The following NEGR1 variants were observed in gnomAD, a reference collection of about 807,000 sequenced individuals.
NEGR1 encodes the protein IgLON family member 4.
NEGR1 carries 10 observed loss-of-function variants against 40.9 expected under a neutral mutation model. The observed-to-expected ratio is 0.24, with a 90% CI of 0.15 to 0.42. NEGR1 has a LOEUF of 0.42. NEGR1 is among the 10% of genes least tolerant of loss of function. The pLI, the probability that NEGR1 is intolerant of heterozygous loss-of-function variation, is 1.00. For missense variants in NEGR1, 352 were observed against 438.9 expected (o/e 0.80, Z 1.77); for synonymous variants, 185 against 166.8 (o/e 1.11, Z -0.84).
intron 2 of NEGR1, among the ~76,000 whole-genome samples, chr1:71,845,363 T>C (rs757281121): frequency 6.6e-6 from 1 of 152,088 alleles, no homozygotes; most frequent in African/African-American, 2.4e-5. Flanking sequence ...AAGTTATTAT[T>C]ATATTTAAAA....
At chr1:71,578,459 GTTTTAATAT>G (rs151045961) in intron 6 of NEGR1, among the ~76,000 whole-genome samples, 2,568 of 152,140 alleles carry the variant, frequency 0.017, 22 homozygotes, top group Non-Finnish European at 0.026. Flanking sequence ...ACTGAAATCA[GTTTTAATAT>G]TTATTAATCA....
chr1:71,674,247 C>A (rs960057907), intron 4 of NEGR1, among the ~76,000 whole-genome samples: 3 of 152,056 alleles, frequency 2.0e-5, no homozygotes, highest in South Asian at 2.1e-4. Flanking sequence ...TATATAAAAT[C>A]AACATCTATC....
At chr1:72,236,594 T>C (rs1654555367) in intron 1 of NEGR1, among the ~76,000 whole-genome samples, 1 of 152,000 alleles carries the variant, frequency 6.6e-6, no homozygotes, top group Non-Finnish European at 1.5e-5. Flanking sequence ...TTTTTATCAT[T>C]TCAGTATTGC....
At chr1:71,920,328 G>T (rs932710442) in intron 2 of NEGR1, among the ~76,000 whole-genome samples, 1 of 152,098 alleles carries the variant, frequency 6.6e-6, no homozygotes, top group Non-Finnish European at 1.5e-5. Flanking sequence ...CACTTGCTGA[G>T]ACTTGAAGTA....
intron 2 of NEGR1, among the ~76,000 whole-genome samples, chr1:71,912,484 C>T (rs899477734): frequency 1.3e-5 from 2 of 152,162 alleles, no homozygotes; most frequent in Non-Finnish European, 2.9e-5. Context: ...CAAAAGGTAG[C>T]ATATTCACAG....
chr1:72,236,429 A>AT (rs1266718930), intron 1 of NEGR1, among the ~76,000 whole-genome samples: 1 of 151,296 alleles, frequency 6.6e-6, no homozygotes, highest in Non-Finnish European at 1.5e-5. Flanking sequence ...TTAAAGTATA[A>AT]TAAAAAAAAG....
chr1:71,934,931 T>A, intron 2 of NEGR1, 148 bp downstream of exon 2: 1 of 622,108 alleles, frequency 1.6e-6, no homozygotes, highest in South Asian at 2.0e-5. Context: ...TGTAAATTCC[T>A]GAAAACTATG....
intron 1 of NEGR1, among the ~76,000 whole-genome samples, chr1:72,172,436 T>G (rs967619617): frequency 6.6e-6 from 1 of 152,106 alleles, no homozygotes; most frequent in Non-Finnish European, 1.5e-5. Flanking sequence ...AAATATAATA[T>G]TAATAATGAG....
intron 2 of NEGR1, among the ~76,000 whole-genome samples, chr1:71,844,905 G>T (rs980344287): frequency 2.0e-5 from 3 of 152,116 alleles, no homozygotes; most frequent in South Asian, 2.1e-4. Context: ...TGCCCAGGGG[G>T]ACTATCCAGG....
intron 3 of NEGR1, among the ~76,000 whole-genome samples, chr1:71,722,539 CT>C (rs1244321236): frequency 6.6e-6 from 1 of 151,888 alleles, no homozygotes; most frequent in Admixed American, 6.6e-5. Flanking sequence ...TTAGAATTTG[CT>C]AATCTTGTCT....
chr1:71,933,056 A>C (rs1022133724), intron 2 of NEGR1, among the ~76,000 whole-genome samples: 3 of 152,102 alleles, frequency 2.0e-5, no homozygotes, highest in Non-Finnish European at 4.4e-5. Flanking sequence ...ATCCAATCTT[A>C]TACTTTCAAA....
rs1418238649 is a variant in NEGR1 at position 71,946,713 on chromosome 1, T to C, written c.177-11402A>G. ...ATATAAATTAGCATTAAAATATGTC[T>C]TGTGAACATACAAATCTAAGTGAAA... On this transcript the variant is annotated intron_variant, in intron 1 of 6. Coordinates refer to ENST00000357731, the MANE Select transcript of NEGR1 (RefSeq NM_173808.3). Among the ~76,000 whole-genome samples the C allele has an allele frequency of 6.6e-5, 10 of 152,086 alleles. No homozygotes were observed. In the East Asian group the frequency reaches 1.9e-3, roughly 29 times the overall value.
intron 3 of NEGR1, among the ~76,000 whole-genome samples, chr1:71,714,532 G>C (rs577232510): frequency 3.3e-5 from 5 of 152,338 alleles, no homozygotes; most frequent in Admixed American, 2.6e-4. Flanking sequence ...TGAAAAGCAA[G>C]TTGGTTCCGT....
At chr1:72,260,238 G>T (rs1253265870) in intron 1 of NEGR1, among the ~76,000 whole-genome samples, 1 of 151,920 alleles carries the variant, frequency 6.6e-6, no homozygotes, top group Non-Finnish European at 1.5e-5. Flanking sequence ...TTAGCTTCCC[G>T]CAAAGGGTTT....
intron 5 of NEGR1, among the ~76,000 whole-genome samples, chr1:71,597,472 C>CTCTCTTTGTGTGTGTG (rs756076229): frequency 6.4e-5 from 2 of 31,326 alleles, no homozygotes; most frequent in African/African-American, 1.0e-4. Context: ...CTCTCTCTCT[C>CTCTCTTTGTGTGTGTG]TGTGTGTGTG....
At chr1:71,654,258 C>T (rs1651808071) in intron 4 of NEGR1, among the ~76,000 whole-genome samples, 1 of 151,902 alleles carries the variant, frequency 6.6e-6, no homozygotes, top group African/African-American at 2.4e-5. Context: ...TATTCTGTAT[C>T]ATACTGTAAT....
intron 6 of NEGR1, among the ~76,000 whole-genome samples, chr1:71,469,924 A>G (rs780667954): frequency 2.0e-5 from 3 of 152,116 alleles, no homozygotes; most frequent in Non-Finnish European, 4.4e-5. Context: ...CAAAGAGCAG[A>G]TATGTTAACC....
At position 71,928,396 on chromosome 1, in the gene NEGR1, GTA is replaced by G. The variant is rs1302341822; in HGVS notation, c.409+6681_409+6682del. Among the ~76,000 whole-genome samples the G allele has an allele frequency of 2.9e-4, 34 of 116,910 alleles. 5 individuals carry two copies. Among genetic ancestry groups the G allele is most frequent in the African/African-American group, 6.0e-4 (19 of 31,744 alleles). The allele number at this position is 116,910 out of a possible 152,430, so 76.7% of individuals were successfully genotyped here. ...TATATATGTATATATACACACATAT[GTA>G]TATATGTGTATGTATATATACACAC... On this transcript the variant is annotated intron_variant, in intron 2 of 6. Transcript: ENST00000357731.
At chr1:72,225,934 A>G (rs544186558) in intron 1 of NEGR1, among the ~76,000 whole-genome samples, 108 of 151,922 alleles carry the variant, frequency 7.1e-4, no homozygotes, top group African/African-American at 2.1e-3. Context: ...CTAATGGGGT[A>G]CATTACTATG....
Sources: gnomAD v4.1 joint callset for allele counts (sites outside exome capture counted in the v4.1 genomes callset) on GRCh38, gnomAD v4.1.1 for gene constraint, MANE v1.5 for transcripts, NCBI Gene and HGNC (gene_info 2026-07-23, HGNC 2026-07-21) for gene names.